Variants in PHACTR1 observed in about 807,000 individuals in gnomAD.
The protein encoded by PHACTR1 is RPEL repeat containing 1.
PHACTR1 carries 16 observed loss-of-function variants against 69.2 expected under a neutral mutation model. The observed-to-expected ratio is 0.23, with a 90% CI of 0.16 to 0.35. PHACTR1 has a LOEUF of 0.35. Ranked by LOEUF, PHACTR1 falls within the 10% of genes least tolerant of loss-of-function variation. PHACTR1 has a pLI of 1.00. For missense variants in PHACTR1, 510 were observed against 734.7 expected (o/e 0.69, Z 3.54); for synonymous variants, 312 against 284.5 (o/e 1.10, Z -0.97).
intron 4 of PHACTR1, among the ~76,000 whole-genome samples, chr6:12,998,571 T>G (rs1301636008): frequency 6.6e-6 from 1 of 150,520 alleles, no homozygotes; most frequent in Non-Finnish European, 1.5e-5. Context: ...AGCTATGATA[T>G]TGCCACTGCA....
At chr6:12,966,306 C>T (rs556389389) in intron 4 of PHACTR1, among the ~76,000 whole-genome samples, 5 of 152,344 alleles carry the variant, frequency 3.3e-5, no homozygotes, top group South Asian at 2.1e-4. Context: ...ATTGAATCCT[C>T]ACGACCCTAT....
At chr6:12,995,903 A>G (rs1327272708) in intron 4 of PHACTR1, among the ~76,000 whole-genome samples, 1 of 152,080 alleles carries the variant, frequency 6.6e-6, no homozygotes, top group Admixed American at 6.5e-5. Context: ...TTTTCTCTAA[A>G]ATGCAATAAA....
chr6:13,113,495 G>A (rs914347356), intron 5 of PHACTR1, among the ~76,000 whole-genome samples: 8 of 152,112 alleles, frequency 5.3e-5, no homozygotes, highest in Admixed American at 4.6e-4. Flanking sequence ...TAACAAAAGA[G>A]AACATAGATA....
At chr6:12,819,029 A>G (rs539139781) in intron 4 of PHACTR1, among the ~76,000 whole-genome samples, 140 of 152,328 alleles carry the variant, frequency 9.2e-4, no homozygotes, top group South Asian at 6.0e-3. Flanking sequence ...CTACAACTGC[A>G]CCTTTTGCAA....
chr6:13,247,894 G>A (rs915395059), intron 10 of PHACTR1, among the ~76,000 whole-genome samples: 2 of 152,082 alleles, frequency 1.3e-5, no homozygotes, highest in Admixed American at 6.6e-5. Flanking sequence ...TTTAAATGAC[G>A]TTATGAAGGA....
chr6:13,249,067 G>A (rs770630856), intron 10 of PHACTR1, among the ~76,000 whole-genome samples: 38 of 152,106 alleles, frequency 2.5e-4, no homozygotes, highest in Non-Finnish European at 4.4e-4. Context: ...TTAACTGTTC[G>A]TGGCTTATCA....
intron 4 of PHACTR1, among the ~76,000 whole-genome samples, chr6:12,897,281 G>A (rs1784758429): frequency 6.6e-6 from 1 of 152,184 alleles, no homozygotes; most frequent in Non-Finnish European, 1.5e-5. Flanking sequence ...ATGTCATTAA[G>A]TCAAATAATC....
chr6:13,280,215 G>A (rs1031540616), intron 12 of PHACTR1: 1 of 152,194 alleles, frequency 6.6e-6, no homozygotes, highest in African/African-American at 2.4e-5. Flanking sequence ...TAGTTCATAG[G>A]TTTTGCGGGT....
chr6:12,719,755 C>T (rs1023115709), intron 3 of PHACTR1, among the ~76,000 whole-genome samples: 2 of 152,172 alleles, frequency 1.3e-5, no homozygotes, highest in South Asian at 2.1e-4. Flanking sequence ...TTTACACACG[C>T]CACTGATAAT....
intron 4 of PHACTR1, among the ~76,000 whole-genome samples, chr6:12,996,715 T>C (rs1052417092): frequency 6.6e-6 from 1 of 152,186 alleles, no homozygotes; most frequent in Admixed American, 6.5e-5. Flanking sequence ...AATCTTTTTA[T>C]TAGAGTGATA....
chr6:13,262,451 T>C (rs1776046015), intron 10 of PHACTR1, among the ~76,000 whole-genome samples: 1 of 152,206 alleles, frequency 6.6e-6, no homozygotes, highest in South Asian at 2.1e-4. Flanking sequence ...AGCATATTGA[T>C]GCTATTGGAA....
chr6:12,897,778 A>G lies in PHACTR1; in HGVS notation c.250+147988A>G, dbSNP rs1185942011. 2.0e-5 allele frequency among the ~76,000 whole-genome samples: 3 copies of G among 151,890 alleles called. No individual in the cohort carries two copies. In the East Asian group the frequency reaches 5.8e-4, roughly 29 times the overall value. On this transcript the variant is annotated intron_variant, in intron 4 of 14. Transcript: ENST00000332995. ...TGTGCAGAACATGCAGTTTTGTTAC[A>G]TAGGTATACATGTGCCATGGTGGTT...
At chr6:13,060,933 G>A (rs1194397680) in intron 5 of PHACTR1, among the ~76,000 whole-genome samples, 1 of 152,206 alleles carries the variant, frequency 6.6e-6, no homozygotes, top group Non-Finnish European at 1.5e-5. Flanking sequence ...TATAAACTTG[G>A]TGGCTTAAAA....
rs1375647869 is a variant in PHACTR1, at chr6:12,966,404, G to A, written c.251-86961G>A. ...AAAGTAACTTGTCCCTGGACATCCTGCTGATAAAGCACAGAACAGGGAATG... is the reference window on the plus strand; with the variant it reads ...AAAGTAACTTGTCCCTGGACATCCTACTGATAAAGCACAGAACAGGGAATG... On this transcript the variant is annotated intron_variant, in intron 4 of 14. Coordinates refer to ENST00000332995, the MANE Select transcript of PHACTR1 (RefSeq NM_030948.6). Among the ~76,000 whole-genome samples the A allele has an allele frequency of 2.0e-5, 3 of 152,210 alleles. No homozygotes were observed. In the East Asian group the frequency reaches 5.8e-4, roughly 29 times the overall value.
chr6:13,240,534 C>T (rs1391387428), intron 10 of PHACTR1, among the ~76,000 whole-genome samples: 3 of 151,938 alleles, frequency 2.0e-5, no homozygotes, highest in South Asian at 2.1e-4. Context: ...AACCTCCACC[C>T]GCCCCAGGTT....
intron 5 of PHACTR1, among the ~76,000 whole-genome samples, chr6:13,061,731 G>A (rs934167842): frequency 1.3e-5 from 2 of 151,932 alleles, no homozygotes; most frequent in East Asian, 1.9e-4. Flanking sequence ...ATTTTCAATC[G>A]AGGAAAAAAA....
At chr6:12,967,082 A>T (rs1047237288) in intron 4 of PHACTR1, among the ~76,000 whole-genome samples, 10 of 152,244 alleles carry the variant, frequency 6.6e-5, no homozygotes, top group East Asian at 1.9e-4. Context: ...TTACAAAATT[A>T]AAAAATCCTC....
chr6:13,188,784 C>T (rs1053827162), intron 7 of PHACTR1, among the ~76,000 whole-genome samples: 4 of 152,204 alleles, frequency 2.6e-5, no homozygotes, highest in African/African-American at 9.6e-5. Context: ...TCCATCTCAC[C>T]TCCTCCAACA....
intron 6 of PHACTR1, among the ~76,000 whole-genome samples, chr6:13,170,341 A>T (rs1488042514): frequency 6.6e-6 from 1 of 152,166 alleles, no homozygotes; most frequent in Non-Finnish European, 1.5e-5. Flanking sequence ...GTAAATTCAT[A>T]TTGGAATATC....
Sources: gnomAD v4.1 joint callset for allele counts (sites outside exome capture counted in the v4.1 genomes callset) on GRCh38, gnomAD v4.1.1 for gene constraint, MANE v1.5 for transcripts, NCBI Gene and HGNC (gene_info 2026-07-23, HGNC 2026-07-21) for gene names.